Variants in OPCML observed in about 807,000 individuals in gnomAD.
The protein encoded by OPCML is opioid binding protein/cell adhesion molecule like, also known as opioid-binding protein/cell adhesion molecule.
In OPCML, 13 loss-of-function variants were observed where a neutral mutation model predicts 37.8. The observed-to-expected ratio is 0.34, with a 90% CI of 0.22 to 0.55. OPCML has a LOEUF of 0.55. Among genes scored for constraint, OPCML ranks in the 20% least tolerant of loss-of-function variants. OPCML has a pLI of 0.91. For synonymous variants in OPCML, 176 were observed against 168.8 expected (o/e 1.04, Z -0.33); for missense variants, 341 against 435.6 (o/e 0.78, Z 1.93).
intron 2 of OPCML, among the ~76,000 whole-genome samples, chr11:132,808,646 G>A (rs898090168): frequency 2.0e-5 from 3 of 152,116 alleles, no homozygotes; most frequent in Non-Finnish European, 2.9e-5. Flanking sequence ...TATGACTGTC[G>A]TCTTTCCTTG....
In OPCML at chr11:133,061,221, C is replaced by T. The variant is rs74840370; in HGVS notation, c.62-118211G>A. On this transcript the variant is annotated intron_variant, in intron 1 of 7. Coordinates refer to ENST00000524381, the MANE Select transcript of OPCML (RefSeq NM_001012393.5). ...TTTGGTTGACTGCAAGAAGATAATC[C>T]TTTGTGTTAATTTCTTCTCTGTTTA... 2.4e-3 allele frequency among the ~76,000 whole-genome samples: 365 copies of T among 152,256 alleles called. 9 individuals carry two copies. In the East Asian group the frequency reaches 0.061, roughly 25 times the overall value.
At chr11:133,001,612 CA>C (rs1268186426) in intron 1 of OPCML, among the ~76,000 whole-genome samples, 1 of 152,204 alleles carries the variant, frequency 6.6e-6, no homozygotes, top group Non-Finnish European at 1.5e-5. Context: ...TATCATGTCA[CA>C]TATTCAGAGG....
intron 2 of OPCML, among the ~76,000 whole-genome samples, chr11:132,688,538 C>A (rs528817495): frequency 1.3e-5 from 2 of 152,172 alleles, no homozygotes; most frequent in East Asian, 1.9e-4. Context: ...TCTTTTTTAA[C>A]CTTTTTCAAG....
chr11:133,101,801 A>C (rs1056932078), intron 1 of OPCML, among the ~76,000 whole-genome samples: 3 of 152,218 alleles, frequency 2.0e-5, no homozygotes, highest in Non-Finnish European at 4.4e-5. Flanking sequence ...TAATTGTCCA[A>C]AACTTGGGAG....
chr11:133,172,344 T>C (rs943951147), intron 1 of OPCML, among the ~76,000 whole-genome samples: 3 of 152,140 alleles, frequency 2.0e-5, no homozygotes, highest in African/African-American at 7.2e-5. Flanking sequence ...CACCGAGTGC[T>C]TAGAAAAGGC....
At chr11:132,544,047 C>T (rs1341252894) in intron 3 of OPCML, among the ~76,000 whole-genome samples, 3 of 152,052 alleles carry the variant, frequency 2.0e-5, no homozygotes, top group Non-Finnish European at 2.9e-5. Flanking sequence ...AGACAAGTCT[C>T]ATATTTTAGC....
chr11:132,784,678 A>C (rs535352497), intron 2 of OPCML, among the ~76,000 whole-genome samples: 1 of 152,274 alleles, frequency 6.6e-6, no homozygotes, highest in South Asian at 2.1e-4. Flanking sequence ...CAGATCCCTC[A>C]TGAATGAATT....
At chr11:133,247,966 T>C (rs576849110) in intron 1 of OPCML, among the ~76,000 whole-genome samples, 2 of 152,324 alleles carry the variant, frequency 1.3e-5, no homozygotes, top group Non-Finnish European at 2.9e-5. Flanking sequence ...TAGAGAGATG[T>C]AAATTCAGAT....
intron 2 of OPCML, among the ~76,000 whole-genome samples, chr11:132,678,954 G>C (rs992233372): frequency 6.6e-6 from 1 of 152,088 alleles, no homozygotes; most frequent in Non-Finnish European, 1.5e-5. Flanking sequence ...GGTGATGATG[G>C]GGAGGCTCTG....
At chr11:133,000,999 C>T (rs1330547142) in intron 1 of OPCML, among the ~76,000 whole-genome samples, 1 of 152,188 alleles carries the variant, frequency 6.6e-6, no homozygotes, top group Non-Finnish European at 1.5e-5. Context: ...TTCCCCTTTG[C>T]CTTCCGCCAT....
intron 1 of OPCML, among the ~76,000 whole-genome samples, chr11:132,951,432 T>C (rs1945859488): frequency 6.6e-6 from 1 of 152,188 alleles, no homozygotes; most frequent in Non-Finnish European, 1.5e-5. Context: ...CCACCAATTC[T>C]AAGGGATTAG....
intron 4 of OPCML, among the ~76,000 whole-genome samples, chr11:132,494,140 G>T (rs2096224206): frequency 6.6e-6 from 1 of 152,182 alleles, no homozygotes. Context: ...TCTGTTGTCA[G>T]ATTCCATTCA....
chr11:133,288,011 A>G (rs1942354559), intron 1 of OPCML, among the ~76,000 whole-genome samples: 1 of 152,120 alleles, frequency 6.6e-6, no homozygotes, highest in African/African-American at 2.4e-5. Flanking sequence ...GCTCTACTCC[A>G]GTTTAGCTCT....
chr11:132,820,770 C>CA (rs1208512797), intron 2 of OPCML, among the ~76,000 whole-genome samples: 1 of 152,148 alleles, frequency 6.6e-6, no homozygotes, highest in Non-Finnish European at 1.5e-5. Flanking sequence ...AAGCTTCCCC[C>CA]AAACCACAGT....
At chr11:133,008,629 G>C (rs867774875) in intron 1 of OPCML, among the ~76,000 whole-genome samples, 5 of 152,290 alleles carry the variant, frequency 3.3e-5, no homozygotes, top group Admixed American at 1.3e-4. Flanking sequence ...TCTAGGACTA[G>C]GGCTATATGG....
At chr11:132,836,923 A>G (rs1362619427) in intron 2 of OPCML, among the ~76,000 whole-genome samples, 1 of 152,198 alleles carries the variant, frequency 6.6e-6, no homozygotes, top group East Asian at 1.9e-4. Flanking sequence ...GTGATCCTAC[A>G]TATGTAAATG....
intron 3 of OPCML, among the ~76,000 whole-genome samples, chr11:132,609,497 C>A (rs1373124894): frequency 6.6e-6 from 1 of 152,090 alleles, no homozygotes; most frequent in Non-Finnish European, 1.5e-5. Context: ...CCACACCAAG[C>A]AACCCACATT....
chr11:132,601,976 C>A (rs1343697987), intron 3 of OPCML, among the ~76,000 whole-genome samples: 1 of 152,116 alleles, frequency 6.6e-6, no homozygotes, highest in Non-Finnish European at 1.5e-5. Flanking sequence ...TTCTCTATTC[C>A]CTCCAGGCAC....
At chr11:133,020,969 A>G (rs1947440036) in intron 1 of OPCML, among the ~76,000 whole-genome samples, 1 of 152,130 alleles carries the variant, frequency 6.6e-6, no homozygotes, top group African/African-American at 2.4e-5. Flanking sequence ...TAACTGATCA[A>G]TGCATATGAC....
Sources: gnomAD v4.1 joint callset for allele counts (sites outside exome capture counted in the v4.1 genomes callset) on GRCh38, gnomAD v4.1.1 for gene constraint, MANE v1.5 for transcripts, NCBI Gene and HGNC (gene_info 2026-07-23, HGNC 2026-07-21) for gene names.